The following CREBBP variants were observed in gnomAD, a reference collection of about 807,000 sequenced individuals.
CREBBP encodes CREB-binding protein.
CREBBP carries 19 observed loss-of-function variants against 265.0 expected under a neutral mutation model. The ratio of observed to expected loss-of-function variants is 0.07; its 90% CI spans 0.05 to 0.11. The LOEUF is 0.11. Among genes scored for constraint, CREBBP ranks in the 10% least tolerant of loss-of-function variants. CREBBP has a pLI of 1.00. For synonymous variants in CREBBP, 1,457 were observed against 1,223.7 expected (o/e 1.19, Z -3.98); for missense variants, 2,525 against 3,219.0 (o/e 0.78, Z 5.22).
intron 1 of CREBBP, among the ~76,000 whole-genome samples, chr16:3,873,123 C>T (rs1187661270): frequency 6.6e-6 from 1 of 152,222 alleles, no homozygotes; most frequent in Non-Finnish European, 1.5e-5. Context: ...CCTGTGTACA[C>T]TGCTAATGCT....
rs367814547 is a variant in CREBBP at position 3,815,258 on chromosome 16, T to C, written c.799-4479A>G. Among the ~76,000 whole-genome samples the C allele has an allele frequency of 5.9e-5, 9 of 152,196 alleles. No individual in the cohort carries two copies. The South Asian group carries it at 1.2e-3, about 21-fold the overall frequency. On this transcript the variant is annotated intron_variant, in intron 2 of 30. Transcript: ENST00000262367. The stretch of plus-strand genomic sequence containing the variant: ...GTCCCAACAGGTACTTGATAATAGT[T>C]TGGTAGGCTGGGTGCTCATGCCTGT...
rs758454751 is a variant in CREBBP, at chr16:3,727,931, C to A, written c.7116G>T (p.Ser2372=). The change falls in exon 31 of 31, where the codon TCG becomes TCT. Residue 2372 remains serine (S), a synonymous_variant. Coordinates refer to ENST00000262367, the MANE Select transcript of CREBBP (RefSeq NM_004380.3). ...CAGTCTGGGGTGAGACGTGGTGTGG[C>A]GAAGGCTGGGGCTGTATCCGTGGTG... ...SPSPRIQPQP[S]PHHVSPQTGS... The A allele has an allele frequency of 6.2e-7, 1 of 1,609,070 alleles. No individual in the cohort carries two copies. The highest frequency in any genetic ancestry group is 2.2e-5 in the East Asian group (1 of 44,782).
intron 1 of CREBBP, among the ~76,000 whole-genome samples, chr16:3,871,886 TAGAA>T (rs1425620859): frequency 2.6e-5 from 4 of 152,350 alleles, no homozygotes; most frequent in East Asian, 1.9e-4. Flanking sequence ...ACAGGCATAT[TAGAA>T]AGGCAAATTA....
chr16:3,728,402 CTGCTGCTGCTGT>C lies in CREBBP; in HGVS notation c.6633_6644del (p.Gln2213_Gln2216del), dbSNP rs745368604. 6.2e-7 allele frequency: 1 copy of C among 1,611,976 alleles called. No individual in the cohort carries two copies. The highest frequency in any genetic ancestry group is 8.5e-7 in the Non-Finnish European group (1 of 1,179,126). On this transcript the variant is annotated inframe_deletion, in exon 31 of 31. Coordinates refer to ENST00000262367, the MANE Select transcript of CREBBP (RefSeq NM_004380.3). The surrounding 1 kb of genome is among the most constrained non-coding windows in gnomAD (Gnocchi z 8.7). ...CCCCAGCCATGCCGGCACTCCCTTG[CTGCTGCTGCTGT>C]TGCTGCTGTTGTTGCTGCTGCTGTT...
At position 3,773,782 on chromosome 16, in the gene CREBBP, C is replaced by A. The variant is rs2141214770; in HGVS notation, c.2432G>T (p.Gly811Val). The stretch of plus-strand genomic sequence containing the variant: ...CACGCCTGTTTGGGCTGGCGGCTGC[C>A]CCATGCCCACACTCATCGCCCCGCT... ...SSSGAMSVGMGQPPAQTGVSQ... is the reference protein window; with the variant it reads ...SSSGAMSVGMVQPPAQTGVSQ... Residue 811 changes from glycine to valine, a missense_variant, in exon 13 of 31, where the codon GGG (glycine) becomes GTG (valine). This residue lies in a region of CREBBP where 548 missense variants were observed against 533.0 expected (regional missense o/e 1.03). Coordinates refer to ENST00000262367, the MANE Select transcript of CREBBP (RefSeq NM_004380.3). 2 of 1,613,834 alleles carry A rather than the reference C, an allele frequency of 1.2e-6. No individual in the cohort carries two copies. The highest frequency in any genetic ancestry group is 4.5e-5 in the East Asian group (2 of 44,894).
intron 26 of CREBBP, among the ~76,000 whole-genome samples, chr16:3,737,359 A>G (rs907032202): frequency 7.9e-5 from 12 of 152,242 alleles, no homozygotes; most frequent in Non-Finnish European, 1.6e-4. Context: ...AAGGATTCAC[A>G]AAAGACAAAT....
intron 2 of CREBBP, among the ~76,000 whole-genome samples, chr16:3,831,580 C>A (rs1329227441): frequency 7.9e-5 from 12 of 152,174 alleles, no homozygotes; most frequent in Non-Finnish European, 1.5e-4. Flanking sequence ...CAAGAAAAGG[C>A]TGACAACAAC....
Position 3,731,213 on chromosome 16 carries a change from G to C in CREBBP, c.5151C>G (p.Arg1717=), listed in dbSNP as rs777232059. The change falls in exon 30 of 31, where the codon CGC becomes CGG. Residue 1717 remains arginine, a synonymous_variant. Coordinates refer to ENST00000262367, the MANE Select transcript of CREBBP (RefSeq NM_004380.3). This position sits in a 1 kb window ranked among gnomAD's most constrained non-coding sequence, Gnocchi z 7.7. Reference sequence around the variant, plus strand: ...CTACCTCGCACACAGTGCAGTGCCAGCGCGTCTCCACGTGGTGCTTGCACT... The same window carrying C: ...CTACCTCGCACACAGTGCAGTGCCACCGCGTCTCCACGTGGTGCTTGCACT... ...CNECKHHVET[R]WHCTVCEDYD... is the part of the protein sequence containing the mutation. The C allele has an allele frequency of 4.3e-6, 7 of 1,613,660 alleles. No individual in the cohort carries two copies. In the South Asian group the frequency reaches 6.6e-5, roughly 15 times the overall value.
chr16:3,738,038 G>A (rs559188478), intron 26 of CREBBP, among the ~76,000 whole-genome samples: 56 of 151,532 alleles, frequency 3.7e-4, no homozygotes, highest in Admixed American at 1.1e-3. Flanking sequence ...CGCCCGCCTC[G>A]GCCTCCCAAA....
intron 16 of CREBBP, among the ~76,000 whole-genome samples, chr16:3,760,819 G>A (rs1419140343): frequency 6.6e-6 from 1 of 151,696 alleles, no homozygotes; most frequent in Non-Finnish European, 1.5e-5. Context: ...CTGGGCTCAA[G>A]TGATCTTGTC....
intron 2 of CREBBP, 149 bp downstream of exon 2, chr16:3,850,148 A>C (rs1362795893): frequency 1.3e-6 from 1 of 764,918 alleles, no homozygotes; most frequent in African/African-American, 1.7e-5. Flanking sequence ...TTTATCCTAG[A>C]AAGAAATCTG....
intron 5 of CREBBP, among the ~76,000 whole-genome samples, chr16:3,789,667 T>G (rs1361219587): frequency 1.3e-5 from 2 of 151,986 alleles, no homozygotes; most frequent in East Asian, 3.8e-4. Context: ...CAATAAAATT[T>G]ACAAAAAGGA....
At chr16:3,825,732 CTT>C (rs748876251) in intron 2 of CREBBP, among the ~76,000 whole-genome samples, 9 of 152,258 alleles carry the variant, frequency 5.9e-5, no homozygotes, top group South Asian at 2.1e-4. Flanking sequence ...GACAAAATCT[CTT>C]GTTTCTGAGA....
intron 3 of CREBBP, among the ~76,000 whole-genome samples, chr16:3,798,184 G>C (rs1300041265): frequency 1.3e-5 from 2 of 152,182 alleles, no homozygotes; most frequent in African/African-American, 2.4e-5. Flanking sequence ...ATGAACTCAA[G>C]GTGGAGCAAA....
At position 3,727,928 on chromosome 16, in the gene CREBBP, TGGC is replaced by T; in HGVS notation, c.7116_7118del (p.Pro2373del). The T allele has an allele frequency of 6.2e-7, 1 of 1,609,440 alleles. No individual in the cohort carries two copies. Among genetic ancestry groups the T allele is most frequent in the Non-Finnish European group, 8.5e-7 (1 of 1,176,876 alleles). ...AACCAGTCTGGGGTGAGACGTGGTGTGGCGAAGGCTGGGGCTGTATCCGTGGTG... is the reference window on the plus strand; with the variant it reads ...AACCAGTCTGGGGTGAGACGTGGTGTGAAGGCTGGGGCTGTATCCGTGGTG... On this transcript the variant is annotated inframe_deletion, in exon 31 of 31. Transcript: ENST00000262367.
rs2151308058 is a variant in CREBBP at position 3,729,235 on chromosome 16, G to C, written c.5812C>G (p.Pro1938Ala). The change falls in exon 31 of 31, where the codon CCT (proline) becomes GCT (alanine). Residue 1938 changes from proline to alanine, a missense_variant. By Grantham distance (27) the Pro-to-Ala change is conservative. This residue lies in a region of CREBBP where 275 missense variants were observed against 276.5 expected (regional missense o/e 0.99). Coordinates refer to ENST00000262367, the MANE Select transcript of CREBBP (RefSeq NM_004380.3). Reference protein sequence around the residue: ...QPPTTVSTGKPTSQVPAPPPP... With the variant: ...QPPTTVSTGKATSQVPAPPPP... ...GGGGGGGCCGGCACCTGGCTGGTAG[G>C]CTTCCCTGTGGACACCGTGGTGGGG... 1 of 1,529,668 alleles carries C rather than the reference G, an allele frequency of 6.5e-7. No homozygotes were observed. The highest frequency in any genetic ancestry group is 8.7e-7 in the Non-Finnish European group (1 of 1,143,790). 94.8% of individuals were successfully genotyped at this position (1,529,668 alleles called of 1,614,324 possible).
In CREBBP at chr16:3,850,641, T is replaced by A. The variant is rs777465899; in HGVS notation, c.454A>T (p.Asn152Tyr). ...GPTPAASQAL[N>Y]PQAQKQVGLA... ...CCCACTTGCTTTTGTGCTTGCGGAT[T>A]CAGTGCTTGGGAGGCAGCGGGGGTG... The change falls in exon 2 of 31, where the codon AAT becomes TAT. Residue 152 changes from asparagine to tyrosine, a missense_variant. By Grantham distance (143) the Asn-to-Tyr change is moderately radical (BLOSUM62 -2). Transcript: ENST00000262367. 6.2e-7 allele frequency: 1 copy of A among 1,614,242 alleles called. No individual in the cohort carries two copies. The highest frequency in any genetic ancestry group is 8.5e-7 in the Non-Finnish European group (1 of 1,180,048).
At chr16:3,823,037 A>C (rs2054170819) in intron 2 of CREBBP, among the ~76,000 whole-genome samples, 1 of 152,188 alleles carries the variant, frequency 6.6e-6, no homozygotes, top group African/African-American at 2.4e-5. Context: ...TACAAAATTA[A>C]AAAGAAAAAA....
intron 8 of CREBBP, 39 bp from the exon 9 acceptor site, chr16:3,778,856 T>C (rs776690651): frequency 1.9e-6 from 3 of 1,575,404 alleles, no homozygotes; most frequent in Admixed American, 3.3e-5. Flanking sequence ...CTTTTTTTTT[T>C]CTTCTTTTTT....
Sources: allele counts gnomAD v4.1 joint callset (sites outside exome capture counted in the v4.1 genomes callset), GRCh38; gene constraint gnomAD v4.1.1; regional missense constraint gnomAD v4.1.1; non-coding constraint Gnocchi (gnomAD v3.1); transcripts MANE v1.5; gene names NCBI Gene and HGNC (gene_info 2026-07-23, HGNC 2026-07-21).